The following GAP43 variants were observed in gnomAD, a reference collection of about 807,000 sequenced individuals.
GAP43 encodes growth associated protein 43.
In GAP43, 6 loss-of-function variants were observed where a neutral mutation model predicts 18.6. That is an observed-to-expected ratio of 0.32 (90% CI 0.18 to 0.64). GAP43 has a LOEUF of 0.64. Ranked by LOEUF, GAP43 falls within the 30% of genes least tolerant of loss-of-function variation. GAP43 has a pLI of 0.78. For missense variants in GAP43, 292 were observed against 295.5 expected, an observed-to-expected ratio of 0.99 and a Z score of 0.09; for synonymous variants, 115 against 111.4, an observed-to-expected ratio of 1.03 and a Z score of -0.20.
chr3:115,628,846 C>A (rs995333555), intron 1 of GAP43, among the ~76,000 whole-genome samples: 4 of 152,278 alleles, frequency 2.6e-5, no homozygotes, highest in Admixed American at 2.6e-4. Context: ...TCTTTAGCCA[C>A]CTGTGTGATT....
chr3:115,671,258 G>C (rs1024478070), intron 1 of GAP43, among the ~76,000 whole-genome samples: 5 of 152,178 alleles, frequency 3.3e-5, no homozygotes, highest in African/African-American at 1.2e-4. Flanking sequence ...CAAAGGAAAA[G>C]AAGACCAGAG....
At chr3:115,687,750 C>T (rs283375) in intron 2 of GAP43, among the ~76,000 whole-genome samples, 1 of 152,144 alleles carries the variant, frequency 6.6e-6, no homozygotes, top group Non-Finnish European at 1.5e-5. Flanking sequence ...ACTTTGATTT[C>T]ACATTTTAAC....
intron 1 of GAP43, among the ~76,000 whole-genome samples, chr3:115,629,431 A>T (rs1170606100): frequency 1.4e-5 from 2 of 146,346 alleles, no homozygotes. Context: ...TTACCTGATG[A>T]CACCATGCCA....
chr3:115,686,993 G>A (rs1709043369), intron 2 of GAP43, among the ~76,000 whole-genome samples: 1 of 152,218 alleles, frequency 6.6e-6, no homozygotes, highest in African/African-American at 2.4e-5. Flanking sequence ...AAAATTGTTA[G>A]CCTAGGCACT....
At position 115,688,877 on chromosome 3, in the gene GAP43, T is replaced by C. The variant is rs116831409; in HGVS notation, c.628+12267T>C. 3.4e-3 allele frequency among the ~76,000 whole-genome samples: 516 copies of C among 152,328 alleles called. 2 individuals carry two copies. The highest frequency in any genetic ancestry group is 0.012 in the African/African-American group (498 of 41,568). The stretch of plus-strand genomic sequence containing the variant: ...AAACCTCCCAATGCTTGCCTACTTT[T>C]TGCAATCTGAATACAATCTAACTTA... On this transcript the variant is annotated intron_variant, in intron 2 of 2. Coordinates refer to ENST00000305124, the MANE Select transcript of GAP43 (RefSeq NM_002045.4).
In GAP43 at chr3:115,721,044, AT is replaced by A; in HGVS notation, c.*165del. 18 of 338,012 alleles carry A rather than the reference AT, an allele frequency of 5.3e-5. No individual in the cohort carries two copies. The highest frequency in any genetic ancestry group is 6.4e-5 in the Non-Finnish European group (12 of 188,100). 20.9% of individuals were successfully genotyped at this position (338,012 alleles called of 1,614,324 possible). ...CCCTCTTTCTCTCTGTGTGGCAAAC[AT>A]TTAAAAAAAAAAAAAAAAAGCAGGA... On this transcript the variant is annotated 3_prime_UTR_variant, in exon 3 of 3. Transcript: ENST00000305124.
intron 1 of GAP43, among the ~76,000 whole-genome samples, chr3:115,667,197 CAG>C (rs1708744928): frequency 6.6e-6 from 1 of 152,092 alleles, no homozygotes; most frequent in Non-Finnish European, 1.5e-5. Context: ...TGTAAAAAAA[CAG>C]ATAAAGTTCT....
intron 1 of GAP43, among the ~76,000 whole-genome samples, chr3:115,635,968 C>G (rs112191520): frequency 0.042 from 6,407 of 152,096 alleles, 200 homozygotes; most frequent in Non-Finnish European, 0.057. Context: ...TCATTGGAAA[C>G]TGATTGGTTT....
chr3:115,689,351 G>C (rs1709074018), intron 2 of GAP43, among the ~76,000 whole-genome samples: 1 of 152,176 alleles, frequency 6.6e-6, no homozygotes, highest in South Asian at 2.1e-4. Context: ...GCTCAGAATA[G>C]AGCACAGCAC....
intron 1 of GAP43, among the ~76,000 whole-genome samples, chr3:115,649,810 TAAAAAAAAA>T (rs759106999): frequency 1.1e-5 from 1 of 94,610 alleles, no homozygotes; most frequent in African/African-American, 4.1e-5. Context: ...ACCCTGTCTC[TAAAAAAAAA>T]AAAAAAGAAA....
chr3:115,651,406 T>G (rs945296536), intron 1 of GAP43, among the ~76,000 whole-genome samples: 5 of 152,178 alleles, frequency 3.3e-5, no homozygotes, highest in Non-Finnish European at 4.4e-5. Context: ...TGTTTTTAAT[T>G]TGTTGCATGA....
chr3:115,692,801 A>G (rs1414882655), intron 2 of GAP43, among the ~76,000 whole-genome samples: 2 of 152,218 alleles, frequency 1.3e-5, no homozygotes, highest in Non-Finnish European at 2.9e-5. Context: ...GTGTACACAA[A>G]GCACAATCCA....
At chr3:115,689,094 A>T (rs1242972229) in intron 2 of GAP43, among the ~76,000 whole-genome samples, 1 of 152,148 alleles carries the variant, frequency 6.6e-6, no homozygotes, top group East Asian at 1.9e-4. Flanking sequence ...GTCACCTCTT[A>T]GCCCTGGCCT....
intron 2 of GAP43, among the ~76,000 whole-genome samples, chr3:115,712,727 A>G (rs1347570824): frequency 6.6e-6 from 1 of 152,194 alleles, no homozygotes; most frequent in African/African-American, 2.4e-5. Context: ...GTTAGTGGCA[A>G]AGTCTAGGCT....
At chr3:115,627,734 G>A (rs1366101313) in intron 1 of GAP43, among the ~76,000 whole-genome samples, 1 of 152,106 alleles carries the variant, frequency 6.6e-6, no homozygotes, top group Non-Finnish European at 1.5e-5. Flanking sequence ...ATTAATAAAG[G>A]CATTAGGGCA....
intron 1 of GAP43, among the ~76,000 whole-genome samples, chr3:115,637,257 T>C (rs1259033175): frequency 6.6e-6 from 1 of 152,064 alleles, no homozygotes; most frequent in Admixed American, 6.6e-5. Flanking sequence ...GTTTGCAAAC[T>C]CTTTAAGGGT....
At chr3:115,655,366 A>C (rs1708566776) in intron 1 of GAP43, among the ~76,000 whole-genome samples, 1 of 152,220 alleles carries the variant, frequency 6.6e-6, no homozygotes, top group African/African-American at 2.4e-5. Context: ...TTTGTTGTAG[A>C]TACTTGCTTT....
At chr3:115,683,147 G>GCGCGCGCACACACA (rs1252333447) in intron 2 of GAP43, among the ~76,000 whole-genome samples, 4 of 127,396 alleles carry the variant, frequency 3.1e-5, no homozygotes, top group African/African-American at 9.1e-5. Flanking sequence ...GCGCGCGCGC[G>GCGCGCGCACACACA]CACACACACA....
intron 1 of GAP43, among the ~76,000 whole-genome samples, chr3:115,649,091 A>T (rs2107474200): frequency 6.6e-6 from 1 of 152,260 alleles, no homozygotes; most frequent in South Asian, 2.1e-4. Flanking sequence ...ACTACAAAAA[A>T]AAATCACAGA....
Sources: allele counts gnomAD v4.1 joint callset (sites outside exome capture counted in the v4.1 genomes callset), GRCh38; gene constraint gnomAD v4.1.1; transcripts MANE v1.5; gene names NCBI Gene and HGNC (gene_info 2026-07-23, HGNC 2026-07-21).